NT5C1B: variants seen among roughly 807,000 people sequenced by gnomAD.
NT5C1B encodes the protein cytosolic 5'-nucleotidase 1B.
NT5C1B carries 44 observed loss-of-function variants against 57.8 expected under a neutral mutation model. The observed-to-expected ratio is 0.76, with a 90% CI of 0.60 to 0.98. The LOEUF (loss-of-function observed/expected upper bound fraction) is 0.98. Ranked by LOEUF, NT5C1B falls within the 50% of genes least tolerant of loss-of-function variation. The pLI is 0.00. For missense variants in NT5C1B, 742 were observed against 719.5 expected (o/e 1.03, Z -0.36); for synonymous variants, 284 against 282.6 (o/e 1.00, Z -0.05).
At chr2:18,566,688 T>G (rs1012893931) in intron 8 of NT5C1B, among the ~76,000 whole-genome samples, 8 of 152,202 alleles carry the variant, frequency 5.3e-5, no homozygotes, top group Admixed American at 6.5e-5. Context: ...TGGGGTATGT[T>G]TTATAATTTA....
intron 8 of NT5C1B, among the ~76,000 whole-genome samples, chr2:18,574,775 C>T (rs1330497119): frequency 6.6e-6 from 1 of 152,018 alleles, no homozygotes; most frequent in African/African-American, 2.4e-5. Flanking sequence ...TGGTATTGTA[C>T]ACTTAAAAAC....
At chr2:18,586,197 A>C (rs1572384698) in intron 3 of NT5C1B, 57 bp downstream of exon 3, 2 of 1,589,498 alleles carry the variant, frequency 1.3e-6, no homozygotes, top group Non-Finnish European at 1.7e-6. Context: ...GCATCAATAA[A>C]TGTTAACCAT....
chr2:18,584,443 G>A lies in NT5C1B; in HGVS notation c.723+71C>T. On this transcript the variant is annotated intron_variant, in intron 4 of 8. Transcript: ENST00000304081. The surrounding 1 kb of genome is among the most constrained non-coding windows in gnomAD (Gnocchi z 5.8). ...AAGCGGGAGGACCTCCCTGCGCAGT[G>A]GAGAGGAGGGCGGCTGGAAGAGGCT... 3 of 1,559,040 alleles carry A rather than the reference G, an allele frequency of 1.9e-6. No individual in the cohort carries two copies. The highest frequency in any genetic ancestry group is 1.7e-6 in the Non-Finnish European group (2 of 1,153,812).
chr2:18,574,284 A>C (rs1264765930), intron 8 of NT5C1B, among the ~76,000 whole-genome samples: 1 of 152,132 alleles, frequency 6.6e-6, no homozygotes, highest in Non-Finnish European at 1.5e-5. Flanking sequence ...AAATTTTACC[A>C]GTCAAGATGG....
chr2:18,583,276 T>G (rs1666340908), intron 5 of NT5C1B: 2 of 268,382 alleles, frequency 7.5e-6, no homozygotes, highest in Admixed American at 5.0e-5. Flanking sequence ...AGGTAGAGAG[T>G]AGGGTCAGGC....
At chr2:18,586,765 T>G (rs1298497762) in intron 2 of NT5C1B, 2 of 715,474 alleles carry the variant, frequency 2.8e-6, no homozygotes, top group African/African-American at 3.6e-5. Flanking sequence ...TCCACCATTT[T>G]TTACCAGACT....
intron 5 of NT5C1B, chr2:18,583,814 G>A: frequency 1.6e-6 from 1 of 628,342 alleles, no homozygotes; most frequent in Non-Finnish European, 3.0e-6. Context: ...GCACTCCTTC[G>A]AGGGAGAGAG....
In NT5C1B at chr2:18,584,215, C is replaced by G; in HGVS notation, c.764G>C (p.Cys255Ser). 6.2e-7 allele frequency: 1 copy of G among 1,614,112 alleles called. No homozygotes were observed. Among genetic ancestry groups the G allele is most frequent in the Non-Finnish European group, 8.5e-7 (1 of 1,180,030 alleles). The change falls in exon 5 of 9, where the codon TGC (cysteine) becomes TCC (serine). Residue 255 changes from cysteine to serine, a missense_variant. By Grantham distance (112) the Cys-to-Ser change is moderately radical. Transcript: ENST00000304081. This position sits in a 1 kb window ranked among gnomAD's most constrained non-coding sequence, Gnocchi z 5.8. ...GCCGTCCACCATGTTGAAGAGCGCG[C>G]AGGATGAGAGAGCAATGGTGATGGC... is the stretch of plus-strand genomic sequence containing the variant.
At chr2:18,586,417 G>T (rs112289290) in intron 2 of NT5C1B, 26 bp from the exon 3 acceptor site, 27 of 1,612,520 alleles carry the variant, frequency 1.7e-5, no homozygotes, top group Non-Finnish European at 2.2e-5. Flanking sequence ...GAAACCCAAC[G>T]GTGTAAAACC....
exon 1 of NT5C1B, chr2:18,589,476 C>A (rs779994380): frequency 5.1e-5 from 82 of 1,613,858 alleles, no homozygotes; most frequent in Non-Finnish European, 6.6e-5. Context: ...CATTTTTTTA[C>A]CTGTTGAAAT....
chr2:18,589,505 A>G lies in NT5C1B; in HGVS notation c.-37T>C, dbSNP rs2148195775. ...TTGAAATTCTTTTGTTGTTATCCAC[A>G]TTTTTGTCTCCCCAGCTCCATTTCC... On this transcript the variant is annotated 5_prime_UTR_variant, in exon 1 of 9. An upstream start codon of the reference 5' UTR is lost. Coordinates refer to ENST00000304081, the Ensembl canonical transcript of NT5C1B. 9 of 1,613,664 alleles carry G rather than the reference A, an allele frequency of 5.6e-6. No homozygotes were observed. The highest frequency in any genetic ancestry group is 1.7e-5 in the Admixed American group (1 of 60,008).
intron 6 of NT5C1B, 134 bp from the exon 7 acceptor site, chr2:18,577,029 A>G (rs1665748164): frequency 4.2e-6 from 6 of 1,439,180 alleles, no homozygotes; most frequent in Non-Finnish European, 4.7e-6. Flanking sequence ...ACCTAAAGGA[A>G]AGTTACCTTA....
intron 8 of NT5C1B, among the ~76,000 whole-genome samples, chr2:18,574,405 A>T (rs1446239283): frequency 6.6e-6 from 1 of 152,186 alleles, no homozygotes; most frequent in Non-Finnish European, 1.5e-5. Context: ...TAGCCACTGT[A>T]GAAAACAGAA....
At chr2:18,587,929 T>C (rs1296374021) in intron 1 of NT5C1B, among the ~76,000 whole-genome samples, 1 of 152,202 alleles carries the variant, frequency 6.6e-6, no homozygotes, top group East Asian at 1.9e-4. Context: ...TTTTTTTCTA[T>C]TACTCTGAAG....
At chr2:18,565,617 TTTC>T (rs1664577268) in intron 8 of NT5C1B, among the ~76,000 whole-genome samples, 1 of 152,162 alleles carries the variant, frequency 6.6e-6, no homozygotes, top group Non-Finnish European at 1.5e-5. Context: ...CAGATAATTA[TTTC>T]TTCATTTTGA....
intron 6 of NT5C1B, among the ~76,000 whole-genome samples, chr2:18,580,164 A>G (rs2148146272): frequency 6.6e-6 from 1 of 152,338 alleles, no homozygotes; most frequent in East Asian, 1.9e-4. Context: ...GTTAAAAACG[A>G]ACACTTATAT....
rs192862843 is a variant in NT5C1B, at chr2:18,580,512, G to A, written c.1021+2356C>T. On this transcript the variant is annotated intron_variant, in intron 6 of 8. Transcript: ENST00000304081. ...TGCCTGTAATCCCAGCTACTCGGGAGGCTGAGGCAGGAGAATCACTTGAAC... is the reference window on the plus strand; with the variant it reads ...TGCCTGTAATCCCAGCTACTCGGGAAGCTGAGGCAGGAGAATCACTTGAAC... Among the ~76,000 whole-genome samples the A allele has an allele frequency of 7.0e-3, 1,062 of 152,294 alleles. 12 individuals are homozygous for A. The highest frequency in any genetic ancestry group is 0.024 in the African/African-American group (1,016 of 41,552).
rs771577822 is a variant in NT5C1B, at chr2:18,583,900, A to C, written c.891+188T>G. The stretch of plus-strand genomic sequence containing the variant: ...TACCAAATCTAGGGCTGTGGGCTGG[A>C]GTCCCTTCCTCCACAGTCTGGAAGC... On this transcript the variant is annotated intron_variant, in intron 5 of 8. Coordinates refer to ENST00000304081, the Ensembl canonical transcript of NT5C1B. The C allele has an allele frequency of 1.1e-5, 10 of 918,650 alleles. No individual in the cohort carries two copies. The South Asian group carries it at 1.1e-4, about 10-fold the overall frequency. The allele number at this position is 918,650 out of a possible 1,614,324, so 56.9% of individuals were successfully genotyped here. A position where few individuals can be genotyped will look rare whatever the true frequency, so the allele number is the denominator to read the frequency against.
chr2:18,586,446 A>G (rs1666720397), intron 2 of NT5C1B, 55 bp from the exon 3 acceptor site: 3 of 1,600,150 alleles, frequency 1.9e-6, no homozygotes, highest in South Asian at 2.3e-5. Context: ...AACTCCTTCT[A>G]TACGTGTGCC....
Sources: gnomAD v4.1 joint callset for allele counts (sites outside exome capture counted in the v4.1 genomes callset) on GRCh38, gnomAD v4.1.1 for gene constraint, Gnocchi (gnomAD v3.1) non-coding constraint, MANE v1.5 for transcripts, NCBI Gene and HGNC (gene_info 2026-07-23, HGNC 2026-07-21) for gene names.